The following ABCC8 variants were observed in gnomAD, a reference collection of about 807,000 sequenced individuals.
ABCC8 encodes the protein ATP binding cassette subfamily C member 8.
In ABCC8, 137 loss-of-function variants were observed where a neutral mutation model predicts 188.0. The ratio of observed to expected loss-of-function variants is 0.73; its 90% CI spans 0.63 to 0.84. The LOEUF is 0.84. ABCC8 is among the 40% of genes least tolerant of loss of function. ABCC8 has a pLI of 0.00. For missense variants in ABCC8, 1,750 were observed against 2,072.7 expected (o/e 0.84, Z 3.02); for synonymous variants, 797 against 846.5 (o/e 0.94, Z 1.01).
At chr11:17,398,485 A>G in intron 29 of ABCC8, 44 bp from the exon 30 acceptor site, 1 of 1,611,584 alleles carries the variant, frequency 6.2e-7, no homozygotes. Flanking sequence ...GTGTTGGTCC[A>G]CATAGCTCCT....
intron 11 of ABCC8, 78 bp from the exon 12 acceptor site, chr11:17,431,037 AAGGGAAATGAG>A: frequency 6.3e-7 from 1 of 1,575,598 alleles, no homozygotes; most frequent in Non-Finnish European, 8.6e-7. Context: ...TCAGCACTGG[AAGGGAAATGAG>A]AGGGCTGTCA....
rs764717081 is a variant in ABCC8, at chr11:17,415,322, G to T, written c.2273C>A (p.Ala758Glu). 10 of 1,610,258 alleles carry T rather than the reference G, an allele frequency of 6.2e-6. No homozygotes were observed. The highest frequency in any genetic ancestry group is 5.0e-5 in the Admixed American group (3 of 59,480). ...GEDPSPERET[A>E]TDLDIRKRGP... ...GCAGTACCTGATATCCAAGTCGGTC[G>T]CTGTCTCCCGCTCTGGGCTGCAGCA... is the stretch of plus-strand genomic sequence containing the variant. The change falls in exon 18 of 39, where the codon GCG (alanine) becomes GAG (glutamate). Residue 758 changes from alanine to glutamate, a missense_variant. Ala to Glu is a moderately radical substitution (Grantham distance 107). Transcript: ENST00000389817.
intron 21 of ABCC8, among the ~76,000 whole-genome samples, chr11:17,411,843 G>A (rs1013389064): frequency 6.6e-6 from 1 of 151,324 alleles, no homozygotes; most frequent in Non-Finnish European, 1.5e-5. Context: ...CAAGGCACCT[G>A]ACACAACAGA....
intron 12 of ABCC8, chr11:17,428,957 A>G: frequency 1.9e-6 from 1 of 522,188 alleles, no homozygotes; most frequent in South Asian, 2.1e-5. Context: ...TATTAGACTG[A>G]AGGATGGTTG....
intron 16 of ABCC8, among the ~76,000 whole-genome samples, chr11:17,420,474 C>T (rs905486470): frequency 7.9e-5 from 12 of 152,212 alleles, no homozygotes; most frequent in South Asian, 2.1e-4. Flanking sequence ...CCACACCTGC[C>T]TCCTCCAGGA....
intron 3 of ABCC8, among the ~76,000 whole-genome samples, chr11:17,468,892 T>G (rs1408002872): frequency 6.6e-6 from 1 of 152,180 alleles, no homozygotes; most frequent in Non-Finnish European, 1.5e-5. Context: ...CTGTTGCTTC[T>G]GCCTGGGACC....
At position 17,475,030 on chromosome 11, in the gene ABCC8, G is replaced by T. The variant is rs1848685010; in HGVS notation, c.149-3C>A. 1 of 1,614,134 alleles carries T rather than the reference G, an allele frequency of 6.2e-7. No individual in the cohort carries two copies. The highest frequency in any genetic ancestry group is 8.5e-7 in the Non-Finnish European group (1 of 1,180,006). On this transcript the variant is annotated splice_region_variant and splice_polypyrimidine_tract_variant and intron_variant, in intron 1 of 38. Coordinates refer to ENST00000389817, the MANE Select transcript of ABCC8 (RefSeq NM_000352.6). ...CTTGGAGCTCTGACTTCCCCATCCT[G>T]CAGGGAGAGACAGTCAGAGGCAGGA...
At position 17,428,669 on chromosome 11, in the gene ABCC8, C is replaced by A; in HGVS notation, c.1819G>T (p.Val607Leu). 1 of 1,612,624 alleles carries A rather than the reference C, an allele frequency of 6.2e-7. No individual in the cohort carries two copies. Among genetic ancestry groups the A allele is most frequent in the African/African-American group, 1.3e-5 (1 of 75,052 alleles). ...GACAGGAACTCGCTTAGCTTTTGCA[C>A]GCTGCTCGGGAAGCACAGAGACACC... ...VRSTVKALVS[V>L]QKLSEFLSSA... Residue 607 changes from valine to leucine, a missense_variant and splice_region_variant, in exon 13 of 39, where the codon GTG (valine) becomes TTG (leucine). Physicochemically the swap from Val to Leu is conservative, Grantham distance 32. Coordinates refer to ENST00000389817, the MANE Select transcript of ABCC8 (RefSeq NM_000352.6).
chr11:17,404,648 A>G lies in ABCC8; in HGVS notation c.3421T>C (p.Cys1141Arg). The change falls in exon 28 of 39, where the codon TGC (cysteine) becomes CGC (arginine). Residue 1141 changes from cysteine (C) to arginine (R), a missense_variant. Coordinates refer to ENST00000389817, the MANE Select transcript of ABCC8 (RefSeq NM_000352.6). The surrounding 1 kb of genome is among the most constrained non-coding windows in gnomAD (Gnocchi z 4.7). ...IDQHIPSTLE[C>R]LSRSTLLCVS... is the part of the protein sequence containing the mutation. ...CAGAGCAGGGTGGAGCGGCTCAGGC[A>G]CTCCAGCGTGGATGGGATGTGCTGA... The G allele has an allele frequency of 6.2e-7, 1 of 1,611,216 alleles. No homozygotes were observed. The highest frequency in any genetic ancestry group is 8.5e-7 in the Non-Finnish European group (1 of 1,179,012).
At chr11:17,431,057 C>T in intron 11 of ABCC8, 98 bp from the exon 12 acceptor site, 1 of 1,544,760 alleles carries the variant, frequency 6.5e-7, no homozygotes, top group Non-Finnish European at 8.8e-7. Flanking sequence ...AGAGGGCTGT[C>T]AGGGAGCAGG....
intron 16 of ABCC8, among the ~76,000 whole-genome samples, chr11:17,425,130 C>T (rs188171598): frequency 8.6e-4 from 131 of 152,298 alleles, no homozygotes; most frequent in African/African-American, 3.0e-3. Context: ...GATCTCAAAC[C>T]GAATACCTGG....
At chr11:17,433,191 GC>G (rs887931943) in intron 10 of ABCC8, among the ~76,000 whole-genome samples, 3 of 152,096 alleles carry the variant, frequency 2.0e-5, no homozygotes, top group African/African-American at 4.8e-5. Flanking sequence ...AGAGAGAGCA[GC>G]CCCCCCATGG....
intron 21 of ABCC8, among the ~76,000 whole-genome samples, chr11:17,412,266 G>T (rs975425902): frequency 6.6e-6 from 1 of 152,212 alleles, no homozygotes; most frequent in East Asian, 1.9e-4. Context: ...GATGAGTTAA[G>T]TTCCATGGGA....
At chr11:17,433,786 A>G (rs1304158640) in intron 10 of ABCC8, among the ~76,000 whole-genome samples, 5 of 152,220 alleles carry the variant, frequency 3.3e-5, no homozygotes, top group Non-Finnish European at 7.3e-5. Context: ...GAGCCCTCGT[A>G]TGGCTGGGGC....
intron 18 of ABCC8, 64 bp downstream of exon 18, chr11:17,415,240 C>T (rs888185084): frequency 1.9e-5 from 30 of 1,571,234 alleles, no homozygotes; most frequent in Non-Finnish European, 2.0e-5. Flanking sequence ...ATGTGGCTCC[C>T]TTGGGCCTGA....
rs751964033 is a variant in ABCC8 at position 17,407,376 on chromosome 11, CAGA to C, written c.2895_2897del (p.Leu966del). 1.1e-5 allele frequency: 18 copies of C among 1,614,098 alleles called. No individual in the cohort carries two copies. The highest frequency in any genetic ancestry group is 1.2e-5 in the Non-Finnish European group (14 of 1,180,054). The stretch of plus-strand genomic sequence containing the variant: ...TACCTTCCTCCTCTTCCTCATCCTG[CAGA>C]AGGCCATCCCTCGAGGACATGGCAC... On this transcript the variant is annotated inframe_deletion, in exon 24 of 39. Coordinates refer to ENST00000389817, the MANE Select transcript of ABCC8 (RefSeq NM_000352.6).
In ABCC8 at chr11:17,428,335, C is replaced by T. The variant is rs1429362436; in HGVS notation, c.1994G>A (p.Ser665Asn). Residue 665 changes from serine to asparagine, a missense_variant, in exon 14 of 39, where the codon AGC (serine) becomes AAC (asparagine). Coordinates refer to ENST00000389817, the MANE Select transcript of ABCC8 (RefSeq NM_000352.6). ...ATCGCCATCTGCACTGGGGACCAGG[C>T]TCTGCAGTGGGCCGGTGAGGCCCCG... ...DCRGLTGPLQ[S>N]LVPSADGDAD... 1.9e-6 allele frequency: 3 copies of T among 1,614,180 alleles called. No individual in the cohort carries two copies. The highest frequency in any genetic ancestry group is 1.7e-6 in the Non-Finnish European group (2 of 1,180,028).
chr11:17,427,735 T>C lies in ABCC8; in HGVS notation c.2116+132A>G. On this transcript the variant is annotated intron_variant, in intron 15 of 38. Coordinates refer to ENST00000389817, the MANE Select transcript of ABCC8 (RefSeq NM_000352.6). This position sits in a 1 kb window ranked among gnomAD's most constrained non-coding sequence, Gnocchi z 5.0. The stretch of plus-strand genomic sequence containing the variant: ...TCTAGAATGTAGCCTTCCCCTTCTA[T>C]AATATACCCAGGGCATACACCAAGA... 7.9e-7 allele frequency: 1 copy of C among 1,272,842 alleles called. No individual in the cohort carries two copies. The allele number at this position is 1,272,842 out of a possible 1,614,324, so 78.8% of individuals were successfully genotyped here. A position where few individuals can be genotyped will look rare whatever the true frequency, so the allele number is the denominator to read the frequency against.
At chr11:17,442,639 C>G in intron 10 of ABCC8, 81 bp downstream of exon 10, 1 of 1,414,156 alleles carries the variant, frequency 7.1e-7, no homozygotes, top group Non-Finnish European at 1.0e-6. Flanking sequence ...TGTCCCTGCA[C>G]CCCCTCTTAC....
Sources: gnomAD v4.1 joint callset for allele counts (sites outside exome capture counted in the v4.1 genomes callset) on GRCh38, gnomAD v4.1.1 for gene constraint, Gnocchi (gnomAD v3.1) non-coding constraint, MANE v1.5 for transcripts, NCBI Gene and HGNC (gene_info 2026-07-23, HGNC 2026-07-21) for gene names.